NBEA: variants seen among roughly 807,000 people sequenced by gnomAD.
NBEA encodes the protein neurobeachin, also known as lysosomal-trafficking regulator 2.
Under a neutral mutation model 343.4 loss-of-function variants are expected in NBEA, and 44 were observed. The observed-to-expected ratio is 0.13, with a 90% CI of 0.10 to 0.16. The LOEUF (loss-of-function observed/expected upper bound fraction) is 0.16. Among genes scored for constraint, NBEA ranks in the 10% least tolerant of loss-of-function variants. The pLI, the probability that NBEA is intolerant of heterozygous loss-of-function variation, is 1.00. For missense variants in NBEA, 2,555 were observed against 3,631.3 expected (o/e 0.70, Z 7.62); for synonymous variants, 1,175 against 1,238.7 (o/e 0.95, Z 1.08).
chr13:35,529,543 A>T (rs2078155100), intron 41 of NBEA, among the ~76,000 whole-genome samples: 1 of 152,246 alleles, frequency 6.6e-6, no homozygotes, highest in Admixed American at 6.5e-5. Context: ...ATATGTGGGC[A>T]TATAGTAAAC....
chr13:35,430,195 C>T (rs148635091), intron 38 of NBEA, among the ~76,000 whole-genome samples: 1 of 151,986 alleles, frequency 6.6e-6, no homozygotes, highest in African/African-American at 2.4e-5. Flanking sequence ...TTTTAATTTG[C>T]ATTTCTCTGA....
At chr13:35,066,437 T>G (rs2063656244) in intron 8 of NBEA, among the ~76,000 whole-genome samples, 1 of 152,166 alleles carries the variant, frequency 6.6e-6, no homozygotes, top group African/African-American at 2.4e-5. Context: ...TCTCCCTTCA[T>G]TTCTTCAGAG....
chr13:35,034,113 G>A (rs544205692), intron 1 of NBEA, among the ~76,000 whole-genome samples: 33 of 151,324 alleles, frequency 2.2e-4, no homozygotes, highest in African/African-American at 5.3e-4. Context: ...TTAGTTTTTC[G>A]TTTTTCCCCA....
intron 35 of NBEA, among the ~76,000 whole-genome samples, chr13:35,297,460 A>T (rs957524411): frequency 3.3e-5 from 5 of 152,020 alleles, no homozygotes; most frequent in Admixed American, 6.6e-5. Context: ...CTTTTTGAAG[A>T]ATTCTATTCT....
At chr13:35,463,462 A>G (rs2047012874) in intron 40 of NBEA, among the ~76,000 whole-genome samples, 1 of 152,006 alleles carries the variant, frequency 6.6e-6, no homozygotes, top group Admixed American at 6.5e-5. Context: ...ATCCGTACGA[A>G]AAAATTTAAA....
At chr13:35,415,007 G>A (rs1421199818) in intron 38 of NBEA, among the ~76,000 whole-genome samples, 1 of 152,136 alleles carries the variant, frequency 6.6e-6, no homozygotes, top group Non-Finnish European at 1.5e-5. Flanking sequence ...TTTTTCATGT[G>A]TCTTTTGGCT....
At chr13:35,325,691 A>G (rs183074755) in intron 36 of NBEA, among the ~76,000 whole-genome samples, 19 of 152,236 alleles carry the variant, frequency 1.2e-4, no homozygotes, top group African/African-American at 4.1e-4. Context: ...CAAAGTGTAT[A>G]TAACATTCAA....
At chr13:35,399,299 C>G (rs117255575) in intron 38 of NBEA, among the ~76,000 whole-genome samples, 1 of 152,156 alleles carries the variant, frequency 6.6e-6, no homozygotes, top group South Asian at 2.1e-4. Context: ...AAAGATAGTG[C>G]CAGAGACTGG....
intron 30 of NBEA, among the ~76,000 whole-genome samples, 199 bp downstream of exon 30, chr13:35,184,270 A>C (rs1393887144): frequency 6.6e-6 from 1 of 152,070 alleles, no homozygotes; most frequent in Non-Finnish European, 1.5e-5. Context: ...TTCTTTAAGT[A>C]TCATCTATAA....
rs60362511 is a variant in NBEA at position 35,429,800 on chromosome 13, CGTGTGTGT to C, written c.6180-2442_6180-2435del. ...CCCACCCTTTCCCCTGAGTCCCCAA[CGTGTGTGT>C]GTGTGTGTGTGTGTGTGTGTGTGTG... On this transcript the variant is annotated intron_variant, in intron 38 of 58. Transcript: ENST00000379939. Among the ~76,000 whole-genome samples the C allele has an allele frequency of 5.0e-5, 7 of 140,278 alleles. No individual in the cohort carries two copies. In the East Asian group the frequency reaches 1.1e-3, roughly 22 times the overall value. The allele number at this position is 140,278 out of a possible 152,430, so 92.0% of individuals were successfully genotyped here. A position where few individuals can be genotyped will look rare whatever the true frequency, so the allele number is the denominator to read the frequency against.
chr13:35,187,953 G>A (rs1314721433), intron 30 of NBEA, among the ~76,000 whole-genome samples: 1 of 151,618 alleles, frequency 6.6e-6, no homozygotes, highest in Non-Finnish European at 1.5e-5. Context: ...TGTTTTCTGT[G>A]TGACTGGTAC....
chr13:35,032,662 T>G (rs547038531), intron 1 of NBEA, among the ~76,000 whole-genome samples: 14 of 151,796 alleles, frequency 9.2e-5, no homozygotes, highest in African/African-American at 3.4e-4. Flanking sequence ...TTTTTGCCAG[T>G]GTTTATTATG....
intron 38 of NBEA, among the ~76,000 whole-genome samples, chr13:35,370,249 A>C (rs143302365): frequency 4.3e-4 from 65 of 151,262 alleles, no homozygotes; most frequent in Middle Eastern, 6.8e-3. Flanking sequence ...TAGAATTGTT[A>C]TTTTCTCTTG....
At chr13:35,384,422 G>C (rs2042144688) in intron 38 of NBEA, among the ~76,000 whole-genome samples, 1 of 151,760 alleles carries the variant, frequency 6.6e-6, no homozygotes, top group African/African-American at 2.4e-5. Flanking sequence ...TATTTCTTCA[G>C]TGGATTAAAG....
At chr13:35,598,096 C>G (rs1401292218) in intron 47 of NBEA, among the ~76,000 whole-genome samples, 1 of 152,194 alleles carries the variant, frequency 6.6e-6, no homozygotes, top group African/African-American at 2.4e-5. Flanking sequence ...ACATAAGCCC[C>G]AGGTACAGAT....
chr13:35,411,372 G>A (rs752244428), intron 38 of NBEA, among the ~76,000 whole-genome samples: 19 of 152,010 alleles, frequency 1.2e-4, no homozygotes, highest in South Asian at 4.2e-4. Flanking sequence ...TTCAATTAGC[G>A]TACAAGCAAG....
chr13:35,495,285 C>T (rs1030949310), intron 41 of NBEA, among the ~76,000 whole-genome samples: 2 of 151,828 alleles, frequency 1.3e-5, no homozygotes, highest in African/African-American at 4.8e-5. Flanking sequence ...AAGAGAAACA[C>T]TTTGTAATCA....
intron 1 of NBEA, among the ~76,000 whole-genome samples, chr13:35,025,522 C>G (rs1016824564): frequency 4.6e-5 from 7 of 152,050 alleles, no homozygotes; most frequent in African/African-American, 1.7e-4. Context: ...TTCCATTGGT[C>G]TGTGTGTCTG....
intron 49 of NBEA, among the ~76,000 whole-genome samples, chr13:35,635,141 A>G (rs1259674635): frequency 1.3e-5 from 2 of 152,182 alleles, no homozygotes; most frequent in African/African-American, 4.8e-5. Context: ...GACAACATTG[A>G]GGACCTCTAC....
Sources: allele counts gnomAD v4.1 joint callset (sites outside exome capture counted in the v4.1 genomes callset), GRCh38; gene constraint gnomAD v4.1.1; transcripts MANE v1.5; gene names NCBI Gene and HGNC (gene_info 2026-07-23, HGNC 2026-07-21).